The following BACH2 variants were observed in gnomAD, a reference collection of about 807,000 sequenced individuals.
BACH2 encodes BACH transcriptional regulator 2.
Under a neutral mutation model 61.8 loss-of-function variants are expected in BACH2, and 5 were observed. That is an observed-to-expected ratio of 0.08 (90% confidence interval 0.04 to 0.17). The LOEUF (loss-of-function observed/expected upper bound fraction) is 0.17. Ranked by LOEUF, BACH2 falls within the 10% of genes least tolerant of loss-of-function variation. The pLI, the probability that BACH2 is intolerant of heterozygous loss-of-function variation, is 1.00. For synonymous variants in BACH2, 446 were observed against 440.1 expected (o/e 1.01, Z -0.17); for missense variants, 824 against 1,091.1 (o/e 0.76, Z 3.45).
At chr6:90,157,991 T>A (rs1785051766) in intron 4 of BACH2, among the ~76,000 whole-genome samples, 1 of 152,070 alleles carries the variant, frequency 6.6e-6, no homozygotes, top group Non-Finnish European at 1.5e-5. Context: ...GTATGTGGTG[T>A]CATGAGAGCG....
At chr6:89,944,481 G>C (rs1453803248) in intron 7 of BACH2, among the ~76,000 whole-genome samples, 2 of 152,202 alleles carry the variant, frequency 1.3e-5, no homozygotes, top group Admixed American at 6.5e-5. Flanking sequence ...TGCCCAGCAA[G>C]GTTTCTTTTT....
At chr6:90,176,587 G>A (rs1428200205) in intron 4 of BACH2, among the ~76,000 whole-genome samples, 1 of 152,122 alleles carries the variant, frequency 6.6e-6, no homozygotes. Context: ...CGGAGGAGAG[G>A]GATGTAGGGG....
chr6:90,080,520 AG>A (rs1480786820), intron 5 of BACH2, among the ~76,000 whole-genome samples: 1 of 152,192 alleles, frequency 6.6e-6, no homozygotes, highest in Non-Finnish European at 1.5e-5. Flanking sequence ...GATATTTGCC[AG>A]GGGCACAGAG....
chr6:90,258,461 T>C (rs1355643791), intron 2 of BACH2, among the ~76,000 whole-genome samples: 1 of 152,208 alleles, frequency 6.6e-6, no homozygotes, highest in Non-Finnish European at 1.5e-5. Context: ...TCTTTATTAC[T>C]ATAACTTTGT....
At chr6:90,096,457 A>G (rs1782384351) in intron 4 of BACH2, among the ~76,000 whole-genome samples, 2 of 152,208 alleles carry the variant, frequency 1.3e-5, no homozygotes, top group Non-Finnish European at 2.9e-5. Flanking sequence ...TATTTACTGT[A>G]TAATTACCTA....
At chr6:90,148,515 G>A (rs1376622343) in intron 4 of BACH2, among the ~76,000 whole-genome samples, 4 of 152,122 alleles carry the variant, frequency 2.6e-5, no homozygotes, top group African/African-American at 4.8e-5. Flanking sequence ...ACTAGACAAC[G>A]GTGGAAAAAT....
At chr6:90,004,891 AC>A (rs1777325181) in intron 6 of BACH2, among the ~76,000 whole-genome samples, 1 of 152,200 alleles carries the variant, frequency 6.6e-6, no homozygotes, top group South Asian at 2.1e-4. Flanking sequence ...CTTATCTCCT[AC>A]TATTTGCTGA....
In BACH2 at chr6:90,093,361, A is replaced by G. The variant is rs1782251123; in HGVS notation, c.-161-4252T>C. Among the ~76,000 whole-genome samples the G allele has an allele frequency of 2.6e-5, 4 of 152,162 alleles. No homozygotes were observed. In the South Asian group the frequency reaches 8.3e-4, roughly 31 times the overall value. On this transcript the variant is annotated intron_variant, in intron 4 of 8. Coordinates refer to ENST00000257749, the MANE Select transcript of BACH2 (RefSeq NM_021813.4). Reference sequence around the variant, plus strand: ...TATTATGAGTGCACATCAGGGTCACATGGGAATTTGACTTTAAAAAGACAC... The same window carrying G: ...TATTATGAGTGCACATCAGGGTCACGTGGGAATTTGACTTTAAAAAGACAC...
chr6:90,077,282 G>C (rs1781513628), intron 5 of BACH2, among the ~76,000 whole-genome samples: 1 of 152,164 alleles, frequency 6.6e-6, no homozygotes, highest in African/African-American at 2.4e-5. Flanking sequence ...GGGCAAGAGG[G>C]ACGGCGAAGA....
At chr6:90,289,672 A>C (rs1772122957) in intron 1 of BACH2, among the ~76,000 whole-genome samples, 1 of 152,180 alleles carries the variant, frequency 6.6e-6, no homozygotes. Context: ...AACAAAAAAC[A>C]AACAAACAAA....
At chr6:90,166,466 ACTAGTTCAAC>A (rs1767622055) in intron 4 of BACH2, among the ~76,000 whole-genome samples, 1 of 152,204 alleles carries the variant, frequency 6.6e-6, no homozygotes, top group Non-Finnish European at 1.5e-5. Flanking sequence ...GGGACTATAA[ACTAGTTCAAC>A]CATTGCAGAA....
At chr6:90,224,422 T>C (rs375599358) in intron 3 of BACH2, among the ~76,000 whole-genome samples, 38 of 152,158 alleles carry the variant, frequency 2.5e-4, no homozygotes, top group African/African-American at 8.9e-4. Context: ...ACAAGAGGAA[T>C]TTGCCTGTTC....
intron 3 of BACH2, among the ~76,000 whole-genome samples, chr6:90,220,900 T>A (rs1031839681): frequency 2.6e-4 from 40 of 152,230 alleles, no homozygotes; most frequent in African/African-American, 9.2e-4. Flanking sequence ...CAGGTATTTG[T>A]GCTTTTCATA....
At chr6:90,276,769 C>T (rs1214428691) in intron 1 of BACH2, among the ~76,000 whole-genome samples, 2 of 151,938 alleles carry the variant, frequency 1.3e-5, no homozygotes, top group East Asian at 1.9e-4. Flanking sequence ...CTTATTATAC[C>T]CTGGGACAAT....
intron 5 of BACH2, among the ~76,000 whole-genome samples, chr6:90,085,718 A>G (rs1259569224): frequency 6.6e-6 from 1 of 152,164 alleles, no homozygotes; most frequent in Non-Finnish European, 1.5e-5. Context: ...TGAGAGACAT[A>G]ATGATCTGTT....
chr6:90,174,354 T>G (rs552200695), intron 4 of BACH2, among the ~76,000 whole-genome samples: 2 of 151,988 alleles, frequency 1.3e-5, no homozygotes, highest in Non-Finnish European at 2.9e-5. Flanking sequence ...AAATACAACA[T>G]TCATCATTCA....
At chr6:90,109,673 T>G (rs1783080750) in intron 4 of BACH2, among the ~76,000 whole-genome samples, 1 of 152,194 alleles carries the variant, frequency 6.6e-6, no homozygotes, top group African/African-American at 2.4e-5. Context: ...CCTCCAAACC[T>G]GCTTCTTTCC....
chr6:90,164,646 T>C (rs1476431518), intron 4 of BACH2, among the ~76,000 whole-genome samples: 4 of 152,184 alleles, frequency 2.6e-5, no homozygotes, highest in African/African-American at 4.8e-5. Flanking sequence ...TTGATGAACA[T>C]TGATGCAAAA....
intron 1 of BACH2, among the ~76,000 whole-genome samples, chr6:90,282,381 C>A (rs771698321): frequency 6.6e-6 from 1 of 152,030 alleles, no homozygotes; most frequent in Non-Finnish European, 1.5e-5. Context: ...CATTTAGCTC[C>A]CACTTATAAG....
Sources: allele counts gnomAD v4.1 joint callset (sites outside exome capture counted in the v4.1 genomes callset), GRCh38; gene constraint gnomAD v4.1.1; transcripts MANE v1.5; gene names NCBI Gene and HGNC (gene_info 2026-07-23, HGNC 2026-07-21).